MDM4: variants seen among roughly 807,000 people sequenced by gnomAD.
MDM4 encodes MDM4 regulator of p53, also known as protein Mdm4.
A neutral mutation model predicts 60.2 loss-of-function variants in MDM4; 2 were observed. The ratio of observed to expected loss-of-function variants is 0.03; its 90% CI spans 0.01 to 0.10. The LOEUF is 0.10. Ranked by LOEUF, MDM4 falls within the 10% of genes least tolerant of loss-of-function variation. The pLI is 1.00. For missense variants in MDM4, 447 were observed against 577.5 expected (o/e 0.77, Z 2.32); for synonymous variants, 202 against 198.1 (o/e 1.02, Z -0.17).
chr1:204,516,683 G>C lies in MDM4; in HGVS notation c.-36+174G>C, dbSNP rs4252669. Among the ~76,000 whole-genome samples, 917 of 152,280 alleles carry C rather than the reference G, an allele frequency of 6.0e-3. 12 individuals carry two copies. The highest frequency in any genetic ancestry group is 0.021 in the African/African-American group (873 of 41,548). On this transcript the variant is annotated intron_variant, in intron 1 of 10. Coordinates refer to ENST00000367182, the MANE Select transcript of MDM4 (RefSeq NM_002393.5). ...AGAAGGGCTCGGGGGGAGGGGAAGAGTTGTGGGATGAGGGCTCGCGGAAGA... is the reference window on the plus strand; with the variant it reads ...AGAAGGGCTCGGGGGGAGGGGAAGACTTGTGGGATGAGGGCTCGCGGAAGA...
Position 204,556,368 on chromosome 1 carries a change from A to T in MDM4, c.*6686A>T. 1 of 227,224 alleles carries T rather than the reference A, an allele frequency of 4.4e-6. No individual in the cohort carries two copies. Among genetic ancestry groups the T allele is most frequent in the Non-Finnish European group, 8.7e-6 (1 of 114,318 alleles). The allele number at this position is 227,224 out of a possible 1,614,324, so 14.1% of individuals were successfully genotyped here. A position where few individuals can be genotyped will look rare whatever the true frequency, so the allele number is the denominator to read the frequency against. ...GCTTCCTTTCTGTGTGTGATGGGGGATAGGGAGTTAGCTCCCCTGTTGTCT... is the reference window on the plus strand; with the variant it reads ...GCTTCCTTTCTGTGTGTGATGGGGGTTAGGGAGTTAGCTCCCCTGTTGTCT... On this transcript the variant is annotated 3_prime_UTR_variant, in exon 11 of 11. Coordinates refer to ENST00000367182, the MANE Select transcript of MDM4 (RefSeq NM_002393.5).
chr1:204,549,557 A>G lies in MDM4; in HGVS notation c.1348A>G (p.Ile450Val). 2 of 1,613,900 alleles carry G rather than the reference A, an allele frequency of 1.2e-6. No homozygotes were observed. The highest frequency in any genetic ancestry group is 1.1e-5 in the South Asian group (1 of 91,012). ...GAAAAGACCACGAGACGGGAACATTATTCATGGAAGGACGGGCCATCTTGT... is the reference window on the plus strand; with the variant it reads ...GAAAAGACCACGAGACGGGAACATTGTTCATGGAAGGACGGGCCATCTTGT... ...CEKRPRDGNI[I>V]HGRTGHLVTC... is the part of the protein sequence containing the mutation. The change falls in exon 11 of 11, where the codon ATT (isoleucine) becomes GTT (valine). Residue 450 changes from isoleucine (I) to valine (V), a missense_variant. Transcript: ENST00000367182.
At chr1:204,535,689 AGCCCG>A (rs763907961) in intron 5 of MDM4, among the ~76,000 whole-genome samples, 6 of 151,806 alleles carry the variant, frequency 4.0e-5, no homozygotes, top group Non-Finnish European at 8.8e-5. Context: ...CGCACCACCA[AGCCCG>A]GCTAATTTTT....
rs528088177 is a variant in MDM4 at position 204,527,249 on chromosome 1, A to T, written c.153+815A>T. Among the ~76,000 whole-genome samples the T allele has an allele frequency of 2.4e-4, 36 of 152,192 alleles. 1 individual carries two copies. In the East Asian group the frequency reaches 5.8e-3, roughly 24 times the overall value. On this transcript the variant is annotated intron_variant, in intron 3 of 10. Coordinates refer to ENST00000367182, the MANE Select transcript of MDM4 (RefSeq NM_002393.5). ...TTGAACCCAGAAGGTGAAGGTTGCA[A>T]TGAGGTGCACTCCAGCTTGGTTGAT...
Position 204,553,190 on chromosome 1 carries a change from C to A in MDM4, c.*3508C>A. 5.4e-6 allele frequency: 1 copy of A among 185,408 alleles called. No homozygotes were observed. Among genetic ancestry groups the A allele is most frequent in the Non-Finnish European group, 1.1e-5 (1 of 87,554 alleles). The allele number at this position is 185,408 out of a possible 1,614,324, so 11.5% of individuals were successfully genotyped here. A position where few individuals can be genotyped will look rare whatever the true frequency, so the allele number is the denominator to read the frequency against. ...GCCCAGCTTAAACTATTTTCTTGGT[C>A]TGTTTTTGATTTTCTTTTTTCCTTG... On this transcript the variant is annotated 3_prime_UTR_variant, in exon 11 of 11. Transcript: ENST00000367182.
intron 1 of MDM4, among the ~76,000 whole-genome samples, chr1:204,518,292 A>G (rs1426298967): frequency 2.0e-5 from 3 of 152,188 alleles, no homozygotes; most frequent in Non-Finnish European, 2.9e-5. Flanking sequence ...AATAGCTGGG[A>G]CTACAGGCAC....
chr1:204,533,419 C>T (rs1558321008), intron 5 of MDM4, among the ~76,000 whole-genome samples: 1 of 151,898 alleles, frequency 6.6e-6, no homozygotes, highest in Non-Finnish European at 1.5e-5. Context: ...TGCAGTGGCA[C>T]TATCTCAGCT....
chr1:204,531,849 C>T (rs192148522), intron 4 of MDM4, among the ~76,000 whole-genome samples: 2 of 152,068 alleles, frequency 1.3e-5, no homozygotes, highest in Admixed American at 6.5e-5. Context: ...AAAAAGACTC[C>T]CCTCCACCCC....
At chr1:204,544,714 C>A (rs969363578) in intron 9 of MDM4, 30 bp downstream of exon 9, 3 of 1,594,108 alleles carry the variant, frequency 1.9e-6, no homozygotes, top group Middle Eastern at 1.7e-4. Context: ...CATGTTGATT[C>A]TGTTTGTGTG....
At position 204,557,401 on chromosome 1, in the gene MDM4, CA is replaced by C. The variant is rs981093469; in HGVS notation, c.*7728del. Reference sequence around the variant, plus strand: ...ACCACCTTGCTGTGGTCTTGATGTACAAAAAAAAATTTTTTTTTTGAGACAG... The same window carrying C: ...ACCACCTTGCTGTGGTCTTGATGTACAAAAAAAATTTTTTTTTTGAGACAG... On this transcript the variant is annotated 3_prime_UTR_variant, in exon 11 of 11. Coordinates refer to ENST00000367182, the MANE Select transcript of MDM4 (RefSeq NM_002393.5). 334 of 178,610 alleles carry C rather than the reference CA, an allele frequency of 1.9e-3. 1 individual carries two copies. The highest frequency in any genetic ancestry group is 7.0e-3 in the African/African-American group (295 of 41,978). The allele number at this position is 178,610 out of a possible 1,614,324, so 11.1% of individuals were successfully genotyped here.
intron 1 of MDM4, among the ~76,000 whole-genome samples, chr1:204,524,197 C>T (rs996741597): frequency 6.6e-6 from 1 of 152,166 alleles, no homozygotes; most frequent in African/African-American, 2.4e-5. Context: ...CATACAGATA[C>T]ATTGGTTTTT....
At chr1:204,523,432 A>G (rs1659770989) in intron 1 of MDM4, among the ~76,000 whole-genome samples, 1 of 137,390 alleles carries the variant, frequency 7.3e-6, no homozygotes, top group African/African-American at 2.7e-5. Context: ...ATGCCACTGC[A>G]CTCCAGCCTG....
At chr1:204,529,280 T>C in intron 3 of MDM4, 2 of 742,298 alleles carry the variant, frequency 2.7e-6, no homozygotes, top group Non-Finnish European at 5.0e-6. Flanking sequence ...AGAGCCTGCT[T>C]CACCTCCTTC....
At chr1:204,549,076 C>T in intron 10 of MDM4, 37 bp from the exon 11 acceptor site, 1 of 1,246,878 alleles carries the variant, frequency 8.0e-7, no homozygotes, top group Non-Finnish European at 1.1e-6. Context: ...ATCATATTAA[C>T]CCCCTGAGTA....
chr1:204,529,833 T>C (rs894004497), intron 3 of MDM4: 11 of 261,376 alleles, frequency 4.2e-5, no homozygotes, highest in African/African-American at 1.1e-4. Context: ...CTTTCTGTTA[T>C]GAACCTTGAC....
rs1663554082 is a variant in MDM4 at position 204,556,596 on chromosome 1, T to C, written c.*6914T>C. 5.0e-6 allele frequency: 1 copy of C among 200,902 alleles called. No homozygotes were observed. Among genetic ancestry groups the C allele is most frequent in the Non-Finnish European group, 1.0e-5 (1 of 97,596 alleles). The allele number at this position is 200,902 out of a possible 1,614,324, so 12.4% of individuals were successfully genotyped here. Reference sequence around the variant, plus strand: ...TGCTTGTCCCAGCTACTGAGGAGGCTGAGGTGGGAGGATCGCTTGAGCCTG... The same window carrying C: ...TGCTTGTCCCAGCTACTGAGGAGGCCGAGGTGGGAGGATCGCTTGAGCCTG... On this transcript the variant is annotated 3_prime_UTR_variant, in exon 11 of 11. Coordinates refer to ENST00000367182, the MANE Select transcript of MDM4 (RefSeq NM_002393.5).
chr1:204,538,109 C>T (rs1661602785), intron 6 of MDM4, 100 bp from the exon 7 acceptor site: 3 of 772,396 alleles, frequency 3.9e-6, no homozygotes, highest in Non-Finnish European at 4.8e-6. Context: ...GTGTGTAACC[C>T]ATTGTGTTGC....
In MDM4 at chr1:204,551,459, C is replaced by CTGTTTTTTTTTTTTTTTTT. The variant is rs1558341326; in HGVS notation, c.*1778_*1779insGTTTTTTTTTTTTTTTTTT. ...ATATACTGGATGGTTGAGAGGCAGC[C>CTGTTTTTTTTTTTTTTTTT]TCTTTTTTTTTTTTTTTTTTTTTTT... On this transcript the variant is annotated 3_prime_UTR_variant, in exon 11 of 11. Transcript: ENST00000367182. The CTGTTTTTTTTTTTTTTTTT allele has an allele frequency of 6.6e-6, 1 of 151,176 alleles. No homozygotes were observed. 9.4% of individuals were successfully genotyped at this position (151,176 alleles called of 1,614,324 possible). A position where few individuals can be genotyped will look rare whatever the true frequency, so the allele number is the denominator to read the frequency against.
chr1:204,532,009 C>T (rs527915250), intron 4 of MDM4, among the ~76,000 whole-genome samples, 182 bp from the exon 5 acceptor site: 1 of 152,296 alleles, frequency 6.6e-6, no homozygotes, highest in East Asian at 1.9e-4. Context: ...GGGGCCTGGG[C>T]ATTAACATCT....
Sources: gnomAD v4.1 joint callset for allele counts (sites outside exome capture counted in the v4.1 genomes callset) on GRCh38, gnomAD v4.1.1 for gene constraint, MANE v1.5 for transcripts, NCBI Gene and HGNC (gene_info 2026-07-23, HGNC 2026-07-21) for gene names.